SLC9A9: variants seen among roughly 807,000 people sequenced by gnomAD.
The protein encoded by SLC9A9 is sodium/hydrogen exchanger 9.
In SLC9A9, 62 loss-of-function variants were observed where a neutral mutation model predicts 77.8. The ratio of observed to expected loss-of-function variants is 0.80; its 90% confidence interval spans 0.65 to 0.98. The LOEUF is 0.98. Among genes scored for constraint, SLC9A9 ranks in the 50% least tolerant of loss-of-function variants. The pLI is 0.00. For missense variants in SLC9A9, 775 were observed against 774.9 expected, an observed-to-expected ratio of 1.00 and a Z score of 0.00; for synonymous variants, 320 against 283.5, an observed-to-expected ratio of 1.13 and a Z score of -1.29.
intron 4 of SLC9A9, among the ~76,000 whole-genome samples, chr3:143,715,117 C>A (rs1934302336): frequency 6.6e-6 from 1 of 152,150 alleles, no homozygotes; most frequent in Non-Finnish European, 1.5e-5. Context: ...TCCATTAAAC[C>A]TCTTTCTTTT....
chr3:143,421,021 C>CA, intron 12 of SLC9A9, among the ~76,000 whole-genome samples: 1 of 152,044 alleles, frequency 6.6e-6, no homozygotes, highest in Non-Finnish European at 1.5e-5. Context: ...ATCTAGAATG[C>CA]AATCCCATTT....
chr3:143,578,967 G>C (rs1383895745), intron 6 of SLC9A9, among the ~76,000 whole-genome samples: 4 of 152,082 alleles, frequency 2.6e-5, no homozygotes, highest in Admixed American at 2.6e-4. Flanking sequence ...ATATTGGAAG[G>C]GTCATAAAGA....
At chr3:143,677,925 C>T (rs980413544) in intron 5 of SLC9A9, among the ~76,000 whole-genome samples, 6 of 147,166 alleles carry the variant, frequency 4.1e-5, no homozygotes, top group South Asian at 2.3e-4. Flanking sequence ...CCCCCTGGTT[C>T]GTGTCATTCT....
intron 14 of SLC9A9, among the ~76,000 whole-genome samples, chr3:143,342,088 G>A (rs2032117324): frequency 6.6e-6 from 1 of 152,146 alleles, no homozygotes; most frequent in Admixed American, 6.5e-5. Context: ...GTGGAAACGT[G>A]GAAACTATGG....
intron 12 of SLC9A9, among the ~76,000 whole-genome samples, chr3:143,417,999 G>A (rs2034228867): frequency 6.6e-6 from 1 of 151,770 alleles, no homozygotes; most frequent in Non-Finnish European, 1.5e-5. Flanking sequence ...TCCATGTACT[G>A]CATTTAGAAA....
intron 1 of SLC9A9, among the ~76,000 whole-genome samples, chr3:143,838,930 A>T (rs2009639554): frequency 6.6e-6 from 1 of 152,236 alleles, no homozygotes. Context: ...TTTGATATTT[A>T]TCCCTTCCCA....
chr3:143,745,700 G>A (rs1286704017), intron 4 of SLC9A9, among the ~76,000 whole-genome samples: 4 of 152,256 alleles, frequency 2.6e-5, no homozygotes, highest in East Asian at 3.9e-4. Context: ...CATTCCAGGT[G>A]CCAAAGTTTA....
intron 2 of SLC9A9, among the ~76,000 whole-genome samples, chr3:143,804,379 G>C (rs185589209): frequency 2.1e-4 from 32 of 151,978 alleles, no homozygotes; most frequent in Non-Finnish European, 4.3e-4. Flanking sequence ...AAGGTTACTC[G>C]TAGACACTCA....
intron 9 of SLC9A9, among the ~76,000 whole-genome samples, chr3:143,507,162 C>T (rs1438635959): frequency 6.6e-6 from 1 of 151,768 alleles, no homozygotes; most frequent in Non-Finnish European, 1.5e-5. Flanking sequence ...TACCTCCTAT[C>T]CCGACACATG....
chr3:143,628,321 T>C lies in SLC9A9; in HGVS notation c.755+23934A>G, dbSNP rs112495892. The stretch of plus-strand genomic sequence containing the variant: ...TAATATACACCTAACCAATGGAACA[T>C]CATGGCCTAGCCTAGCCTACCTTAA... On this transcript the variant is annotated intron_variant, in intron 6 of 15. Transcript: ENST00000316549. Among the ~76,000 whole-genome samples, 982 of 152,282 alleles carry C rather than the reference T, an allele frequency of 6.4e-3. 12 individuals carry two copies. Among genetic ancestry groups the C allele is most frequent in the African/African-American group, 0.022 (903 of 41,554 alleles).
chr3:143,639,095 T>C (rs2038577988), intron 6 of SLC9A9, among the ~76,000 whole-genome samples: 1 of 152,228 alleles, frequency 6.6e-6, no homozygotes, highest in Admixed American at 6.5e-5. Context: ...AAAGAAAATA[T>C]GTCTTTGGAT....
chr3:143,568,598 A>G (rs2037208392), intron 8 of SLC9A9, among the ~76,000 whole-genome samples: 1 of 152,190 alleles, frequency 6.6e-6, no homozygotes, highest in African/African-American at 2.4e-5. Context: ...TAAAATCTGT[A>G]GGAATATTAT....
At chr3:143,784,565 C>A (rs900909017) in intron 4 of SLC9A9, among the ~76,000 whole-genome samples, 2 of 149,642 alleles carry the variant, frequency 1.3e-5, no homozygotes, top group Non-Finnish European at 3.0e-5. Flanking sequence ...TACCATGTTG[C>A]CCTGGCTGGT....
chr3:143,518,003 C>T, intron 9 of SLC9A9: 1 of 1,417,442 alleles, frequency 7.1e-7, no homozygotes, highest in South Asian at 1.1e-5. Flanking sequence ...ACTTTCTTCA[C>T]TTGACGGTTC....
At chr3:143,609,802 C>T (rs1420519668) in intron 6 of SLC9A9, among the ~76,000 whole-genome samples, 1 of 152,182 alleles carries the variant, frequency 6.6e-6, no homozygotes, top group Non-Finnish European at 1.5e-5. Context: ...ATCTACCTCT[C>T]TTCAACATTT....
chr3:143,304,673 A>C (rs1347727977), intron 14 of SLC9A9, among the ~76,000 whole-genome samples: 1 of 152,344 alleles, frequency 6.6e-6, no homozygotes, highest in East Asian at 1.9e-4. Context: ...ACTGCTGATA[A>C]GGCTGATTCT....
chr3:143,517,496 C>A (rs766242877), intron 9 of SLC9A9: 32 of 1,597,658 alleles, frequency 2.0e-5, no homozygotes, highest in Non-Finnish European at 2.5e-5. Flanking sequence ...TTTGATCTCT[C>A]GCTCTTCACG....
chr3:143,813,311 C>A (rs541918943), intron 2 of SLC9A9, among the ~76,000 whole-genome samples: 10 of 152,214 alleles, frequency 6.6e-5, no homozygotes, highest in African/African-American at 2.4e-4. Flanking sequence ...ATGAAAAGAT[C>A]CATATCTCGT....
chr3:143,737,614 C>T (rs189153862), intron 4 of SLC9A9, among the ~76,000 whole-genome samples: 2 of 152,142 alleles, frequency 1.3e-5, no homozygotes, highest in African/African-American at 4.8e-5. Flanking sequence ...GTATAGAAAA[C>T]ATATTTTCCT....
Sources: gnomAD v4.1 joint callset for allele counts (sites outside exome capture counted in the v4.1 genomes callset) on GRCh38, gnomAD v4.1.1 for gene constraint, MANE v1.5 for transcripts, NCBI Gene and HGNC (gene_info 2026-07-23, HGNC 2026-07-21) for gene names.